IFNA7: variants seen among roughly 807,000 people sequenced by gnomAD.
The protein encoded by IFNA7 is interferon alpha 7.
For missense variants in IFNA7, 278 were observed against 216.3 expected (o/e 1.29, Z -1.79); for synonymous variants, 119 against 81.1 (o/e 1.47, Z -2.51).
chr9:21,201,582 T>G lies in IFNA7; in HGVS notation c.*14A>C, dbSNP rs1818155438. ...CATTAGTCAATGAGAATCATTTCCA[T>G]GATGAACCAGTTTTCAATCCTTCCT... is the stretch of plus-strand genomic sequence containing the variant. On this transcript the variant is annotated 3_prime_UTR_variant, in exon 1 of 1. Transcript: ENST00000239347. 1 of 1,610,598 alleles carries G rather than the reference T, an allele frequency of 6.2e-7. No homozygotes were observed. Among genetic ancestry groups the G allele is most frequent in the Non-Finnish European group, 8.5e-7 (1 of 1,179,354 alleles).
Position 21,202,105 on chromosome 9 carries a change from A to G in IFNA7, c.61T>C (p.Ser21Pro). 1 of 1,613,610 alleles carries G rather than the reference A, an allele frequency of 6.2e-7. No homozygotes were observed. The highest frequency in any genetic ancestry group is 8.5e-7 in the Non-Finnish European group (1 of 1,179,920). The change falls in exon 1 of 1, where the codon TCT becomes CCT. Residue 21 changes from serine (S) to proline (P), a missense_variant. By Grantham distance (74) the Ser-to-Pro change is moderately conservative (BLOSUM62 -1). Coordinates refer to ENST00000239347, the MANE Select transcript of IFNA7 (RefSeq NM_021057.2). ...GTCTGAGGCAGATCACAGCCCAGAG[A>G]GCAGATGGATTTGTAGCTGAGTACC... ...VLVLSYKSIC[S>P]LGCDLPQTHS... is the part of the protein sequence containing the mutation.
Position 21,201,529 on chromosome 9 carries a change from G to C in IFNA7, c.*67C>G, listed in dbSNP as rs1818154287. ...GTTATAGAAGTGAGTCTTTGAAATG[G>C]AAGAACTCATGAAAGTGTGAGATGA... On this transcript the variant is annotated 3_prime_UTR_variant, in exon 1 of 1. Coordinates refer to ENST00000239347, the MANE Select transcript of IFNA7 (RefSeq NM_021057.2). 2 of 1,572,844 alleles carry C rather than the reference G, an allele frequency of 1.3e-6. No individual in the cohort carries two copies. Among genetic ancestry groups the C allele is most frequent in the Non-Finnish European group, 1.7e-6 (2 of 1,165,068 alleles).
chr9:21,201,793 G>A, the IFNA7 span: 1 of 1,613,488 alleles, frequency 6.2e-7, no homozygotes, highest in South Asian at 1.1e-5. Flanking sequence ...CCAACCTCCT[G>A]TATCACACAT....
In IFNA7 at chr9:21,202,060, T is replaced by G; in HGVS notation, c.106A>C (p.Arg36=). ...LPQTHSLRNR[R]ALILLAQMGR... Reference sequence around the variant, plus strand: ...ATTTGTGCCAGGAGTATCAAGGCCCTCCTATTACGCAGGCTGTGGGTCTGA... The same window carrying G: ...ATTTGTGCCAGGAGTATCAAGGCCCGCCTATTACGCAGGCTGTGGGTCTGA... Residue 36 remains arginine (R), a synonymous_variant, in exon 1 of 1, where the codon AGG becomes CGG. Transcript: ENST00000239347. The G allele has an allele frequency of 1.2e-6, 2 of 1,613,464 alleles. No homozygotes were observed. The highest frequency in any genetic ancestry group is 1.7e-6 in the Non-Finnish European group (2 of 1,179,940).
chr9:21,201,907 T>A lies in IFNA7; in HGVS notation c.259A>T (p.Thr87Ser). Residue 87 changes from threonine to serine, a missense_variant, in exon 1 of 1, where the codon ACC becomes TCC. Coordinates refer to ENST00000239347, the MANE Select transcript of IFNA7 (RefSeq NM_021057.2). ...TCCTCTGTGCTGAAGAGATTGAAGG[T>A]CTGCTGGATCATCTCATGGAGGACA... The part of the protein sequence containing the change: ...ISVLHEMIQQ[T>S]FNLFSTEDSS... 4 of 1,613,286 alleles carry A rather than the reference T, an allele frequency of 2.5e-6. No homozygotes were observed. Among genetic ancestry groups the A allele is most frequent in the Non-Finnish European group, 2.5e-6 (3 of 1,179,868 alleles).
chr9:21,201,493 A>G lies in IFNA7; in HGVS notation c.*103T>C. The G allele has an allele frequency of 6.6e-7, 1 of 1,524,140 alleles. No homozygotes were observed. The highest frequency in any genetic ancestry group is 8.8e-7 in the Non-Finnish European group (1 of 1,137,064). The allele number at this position is 1,524,140 out of a possible 1,614,324, so 94.4% of individuals were successfully genotyped here. A position where few individuals can be genotyped will look rare whatever the true frequency, so the allele number is the denominator to read the frequency against. Reference sequence around the variant, plus strand: ...TGAAAACATTTGGAAATTTTGATTCAACTTGTGGTGGTTATAGAAGTGAGT... The same window carrying G: ...TGAAAACATTTGGAAATTTTGATTCGACTTGTGGTGGTTATAGAAGTGAGT... On this transcript the variant is annotated 3_prime_UTR_variant, in exon 1 of 1. Transcript: ENST00000239347.
Position 21,201,979 on chromosome 9 carries a change from C to T in IFNA7, c.187G>A (p.Glu63Lys), listed in dbSNP as rs369547864. Residue 63 changes from glutamate to lysine, a missense_variant, in exon 1 of 1, where the codon GAG (glutamate) becomes AAG (lysine). Physicochemically the swap from Glu to Lys is moderately conservative, Grantham distance 56. Transcript: ENST00000239347. ...AACTGGTGGCCATCAAACTCCTCCT[C>T]TGGGAATCTGAATTCATGTCTGTCC... is the stretch of plus-strand genomic sequence containing the variant. ...LKDRHEFRFP[E>K]EEFDGHQFQK... 1.2e-5 allele frequency: 20 copies of T among 1,613,356 alleles called. No homozygotes were observed. In the East Asian group the frequency reaches 3.3e-4, roughly 27 times the overall value.
rs776144185 is a variant in IFNA7 at position 21,201,758 on chromosome 9, A to T, written c.408T>A (p.Asn136Lys). The T allele has an allele frequency of 1.2e-6, 2 of 1,613,592 alleles. No homozygotes were observed. The highest frequency in any genetic ancestry group is 1.7e-6 in the Non-Finnish European group (2 of 1,180,000). Residue 136 changes from asparagine (N) to lysine (K), a missense_variant, in exon 1 of 1, where the codon AAT becomes AAA. By Grantham distance (94) the Asn-to-Lys change is moderately conservative. Transcript: ENST00000239347. Reference sequence around the variant, plus strand: ...TCCTCACAGCCAGGATGAAGTCCTCATTCATCAGGGGAGTCTCTTCCACCC... The same window carrying T: ...TCCTCACAGCCAGGATGAAGTCCTCTTTCATCAGGGGAGTCTCTTCCACCC... ...EVGVEETPLM[N>K]EDFILAVRKY...
Position 21,201,901 on chromosome 9 carries a change from T to C in IFNA7, c.265A>G (p.Asn89Asp). ...GATGAGTCCTCTGTGCTGAAGAGAT[T>C]GAAGGTCTGCTGGATCATCTCATGG... ...VLHEMIQQTF[N>D]LFSTEDSSAA... is the part of the protein sequence containing the mutation. Residue 89 changes from asparagine (N) to aspartate (D), a missense_variant, in exon 1 of 1, where the codon AAT becomes GAT. By Grantham distance (23) the Asn-to-Asp change is conservative. Coordinates refer to ENST00000239347, the MANE Select transcript of IFNA7 (RefSeq NM_021057.2). The C allele has an allele frequency of 6.2e-7, 1 of 1,613,308 alleles. No individual in the cohort carries two copies. The highest frequency in any genetic ancestry group is 8.5e-7 in the Non-Finnish European group (1 of 1,179,858).
rs138587230 is a variant in IFNA7 at position 21,202,093 on chromosome 9, C to A, written c.73G>T (p.Asp25Tyr). ...CGCAGGCTGTGGGTCTGAGGCAGAT[C>A]ACAGCCCAGAGAGCAGATGGATTTG... ...SYKSICSLGC[D>Y]LPQTHSLRNR... The change falls in exon 1 of 1, where the codon GAT becomes TAT. Residue 25 changes from aspartate (D) to tyrosine (Y), a missense_variant. Transcript: ENST00000239347. 7.8e-4 allele frequency: 1,266 copies of A among 1,613,608 alleles called. 4 individuals are homozygous for A. The highest frequency in any genetic ancestry group is 1.0e-3 in the Non-Finnish European group (1,177 of 1,179,940).
chr9:21,202,093 C>G lies in IFNA7; in HGVS notation c.73G>C (p.Asp25His). ...CGCAGGCTGTGGGTCTGAGGCAGATCACAGCCCAGAGAGCAGATGGATTTG... is the reference window on the plus strand; with the variant it reads ...CGCAGGCTGTGGGTCTGAGGCAGATGACAGCCCAGAGAGCAGATGGATTTG... ...SYKSICSLGC[D>H]LPQTHSLRNR... The change falls in exon 1 of 1, where the codon GAT becomes CAT. Residue 25 changes from aspartate to histidine, a missense_variant. Physicochemically the swap from Asp to His is moderately conservative, Grantham distance 81 (BLOSUM62 -1). Transcript: ENST00000239347. 1 of 1,613,610 alleles carries G rather than the reference C, an allele frequency of 6.2e-7. No individual in the cohort carries two copies.
At position 21,202,068 on chromosome 9, in the gene IFNA7, C is replaced by G. The variant is rs780496341; in HGVS notation, c.98G>C (p.Arg33Pro). ...CAGGAGTATCAAGGCCCTCCTATTA[C>G]GCAGGCTGTGGGTCTGAGGCAGATC... Reference protein sequence around the residue: ...GCDLPQTHSLRNRRALILLAQ... With the variant: ...GCDLPQTHSLPNRRALILLAQ... The change falls in exon 1 of 1, where the codon CGT becomes CCT. Residue 33 changes from arginine to proline, a missense_variant. By Grantham distance (103) the Arg-to-Pro change is moderately radical. Transcript: ENST00000239347. 4 of 1,613,594 alleles carry G rather than the reference C, an allele frequency of 2.5e-6. No individual in the cohort carries two copies. Among genetic ancestry groups the G allele is most frequent in the South Asian group, 1.1e-5 (1 of 91,048 alleles).
chr9:21,201,854 G>A lies in IFNA7; in HGVS notation c.312C>T (p.Leu104=). Residue 104 remains leucine (L), a synonymous_variant, in exon 1 of 1, where the codon CTC becomes CTT. Transcript: ENST00000239347. The part of the protein sequence containing the change: ...EDSSAAWEQS[L]LEKFSTELYQ... ...AAAGTTCAGTGGAAAATTTTTCTAGGAGGCTCTGTTCCCAAGCAGCAGATG... is the reference window on the plus strand; with the variant it reads ...AAAGTTCAGTGGAAAATTTTTCTAGAAGGCTCTGTTCCCAAGCAGCAGATG... The A allele has an allele frequency of 6.2e-7, 1 of 1,613,184 alleles. No individual in the cohort carries two copies. The highest frequency in any genetic ancestry group is 8.5e-7 in the Non-Finnish European group (1 of 1,179,854).
In IFNA7 at chr9:21,201,511, A is replaced by T. The variant is rs1324402546; in HGVS notation, c.*85T>A. 6.4e-7 allele frequency: 1 copy of T among 1,552,922 alleles called. No individual in the cohort carries two copies. The highest frequency in any genetic ancestry group is 8.7e-7 in the Non-Finnish European group (1 of 1,154,134). ...TTGATTCAACTTGTGGTGGTTATAG[A>T]AGTGAGTCTTTGAAATGGAAGAACT... On this transcript the variant is annotated 3_prime_UTR_variant, in exon 1 of 1. Coordinates refer to ENST00000239347, the MANE Select transcript of IFNA7 (RefSeq NM_021057.2).
chr9:21,202,088 C>T lies in IFNA7; in HGVS notation c.78G>A (p.Leu26=). 6.2e-7 allele frequency: 1 copy of T among 1,613,596 alleles called. No homozygotes were observed. Among genetic ancestry groups the T allele is most frequent in the Non-Finnish European group, 8.5e-7 (1 of 1,179,946 alleles). Residue 26 remains leucine (L), a synonymous_variant, in exon 1 of 1, where the codon CTG becomes CTA. Transcript: ENST00000239347. ...TATTACGCAGGCTGTGGGTCTGAGGCAGATCACAGCCCAGAGAGCAGATGG... is the reference window on the plus strand; with the variant it reads ...TATTACGCAGGCTGTGGGTCTGAGGTAGATCACAGCCCAGAGAGCAGATGG... ...YKSICSLGCD[L]PQTHSLRNRR... is the part of the protein sequence containing the mutation.
In IFNA7 at chr9:21,201,663, C is replaced by G. The variant is rs377006567; in HGVS notation, c.503G>C (p.Arg168Thr). The G allele has an allele frequency of 6.2e-6, 10 of 1,613,844 alleles. 1 individual carries two copies. In the South Asian group the frequency reaches 1.1e-4, roughly 18 times the overall value. ...AGAGAAGGATCTCATGATTTCTGCT[C>G]TGACAACCTCCCAGGCACAAGGGCT... ...KYSPCAWEVV[R>T]AEIMRSFSFS... The change falls in exon 1 of 1, where the codon AGA (arginine) becomes ACA (threonine). Residue 168 changes from arginine to threonine, a missense_variant. Physicochemically the swap from Arg to Thr is moderately conservative, Grantham distance 71 (BLOSUM62 -1). Coordinates refer to ENST00000239347, the MANE Select transcript of IFNA7 (RefSeq NM_021057.2).
rs763103772 is a variant in IFNA7 at position 21,201,879 on chromosome 9, G to A, written c.287C>T (p.Ser96Leu). 1.2e-6 allele frequency: 2 copies of A among 1,613,306 alleles called. No homozygotes were observed. The highest frequency in any genetic ancestry group is 1.7e-6 in the Non-Finnish European group (2 of 1,179,868). ...GAGGCTCTGTTCCCAAGCAGCAGAT[G>A]AGTCCTCTGTGCTGAAGAGATTGAA... Reference protein sequence around the residue: ...QTFNLFSTEDSSAAWEQSLLE... With the variant: ...QTFNLFSTEDLSAAWEQSLLE... Residue 96 changes from serine (S) to leucine (L), a missense_variant, in exon 1 of 1, where the codon TCA becomes TTA. Coordinates refer to ENST00000239347, the MANE Select transcript of IFNA7 (RefSeq NM_021057.2).
rs770337888 is a variant in IFNA7, at chr9:21,201,698, C to T, written c.468G>A (p.Glu156=). The change falls in exon 1 of 1, where the codon GAG becomes GAA. Residue 156 remains glutamate (E), a synonymous_variant. Coordinates refer to ENST00000239347, the MANE Select transcript of IFNA7 (RefSeq NM_021057.2). ...CCCAGGCACAAGGGCTGTATTTCTT[C>T]TCCATTAGATAAAGAGTGATTCTTT... ...YFQRITLYLM[E]KKYSPCAWEV... 6.2e-7 allele frequency: 1 copy of T among 1,613,834 alleles called. No homozygotes were observed. Among genetic ancestry groups the T allele is most frequent in the Admixed American group, 1.7e-5 (1 of 59,964 alleles).
rs948246644 is a variant in IFNA7, at chr9:21,201,811, G to C, written c.355C>G (p.Leu119Val). Reference protein sequence around the residue: ...STELYQQLNDLEACVIQEVGV... With the variant: ...STELYQQLNDVEACVIQEVGV... ...ACCTCCTGTATCACACATGCTTCCA[G>C]GTCATTCAGTTGCTGGTAAAGTTCA... The change falls in exon 1 of 1, where the codon CTG becomes GTG. Residue 119 changes from leucine to valine, a missense_variant. Coordinates refer to ENST00000239347, the MANE Select transcript of IFNA7 (RefSeq NM_021057.2). 12 of 1,613,344 alleles carry C rather than the reference G, an allele frequency of 7.4e-6. No individual in the cohort carries two copies. The Admixed American group carries it at 1.5e-4, about 20-fold the overall frequency.
Sources: gnomAD v4.1 joint callset for allele counts on GRCh38, gnomAD v4.1.1 for gene constraint, MANE v1.5 for transcripts, NCBI Gene and HGNC (gene_info 2026-07-23, HGNC 2026-07-21) for gene names.